Variants in HSF5 observed in about 807,000 individuals in gnomAD.
The protein encoded by HSF5 is heat shock transcription factor 5.
In HSF5, 5 loss-of-function variants were observed where a neutral mutation model predicts 50.8. The ratio of observed to expected loss-of-function variants is 0.10; its 90% CI spans 0.05 to 0.21. The LOEUF (loss-of-function observed/expected upper bound fraction) is 0.21. HSF5 is among the 10% of genes least tolerant of loss of function. HSF5 has a pLI of 1.00. For missense variants in HSF5, 564 were observed against 762.6 expected, an observed-to-expected ratio of 0.74 and a Z score of 3.07; for synonymous variants, 307 against 307.4, an observed-to-expected ratio of 1.00 and a Z score of 0.02.
intron 5 of HSF5, among the ~76,000 whole-genome samples, chr17:58,458,270 A>G (rs954659201): frequency 1.3e-5 from 2 of 152,240 alleles, no homozygotes; most frequent in Non-Finnish European, 2.9e-5. Context: ...TACAAACCAC[A>G]AGAATAACAA....
chr17:58,476,172 C>G (rs1223411551), intron 2 of HSF5: 1 of 1,024,866 alleles, frequency 9.8e-7, no homozygotes, highest in Non-Finnish European at 1.5e-6. Flanking sequence ...TCCCCTTCAT[C>G]ATCATCTTCA....
In HSF5 at chr17:58,421,052, C is replaced by T. The variant is rs1232190813; in HGVS notation, c.*1308G>A. 6.6e-6 allele frequency: 1 copy of T among 152,586 alleles called. No homozygotes were observed. The highest frequency in any genetic ancestry group is 6.5e-5 in the Admixed American group (1 of 15,278). 9.5% of individuals were successfully genotyped at this position (152,586 alleles called of 1,614,324 possible). ...GCAGTGCTTAATAGGAGAACTGAAA[C>T]AGAATCCAATAAGAAAGTTTTGGTC... is the stretch of plus-strand genomic sequence containing the variant. On this transcript the variant is annotated 3_prime_UTR_variant, in exon 6 of 6. Transcript: ENST00000323777.
chr17:58,424,997 C>T (rs570382257), intron 5 of HSF5, among the ~76,000 whole-genome samples: 50 of 152,094 alleles, frequency 3.3e-4, no homozygotes, highest in Non-Finnish European at 6.2e-4. Context: ...ACGGAGTTTC[C>T]GTTTGGGAAG....
At chr17:58,453,405 C>T (rs934428998) in intron 5 of HSF5, among the ~76,000 whole-genome samples, 2 of 152,040 alleles carry the variant, frequency 1.3e-5, no homozygotes, top group African/African-American at 4.8e-5. Context: ...ACCAGCCTGA[C>T]CAACACGGCG....
At chr17:58,481,083 C>T (rs1975093070) in intron 1 of HSF5, among the ~76,000 whole-genome samples, 1 of 152,102 alleles carries the variant, frequency 6.6e-6, no homozygotes, top group Admixed American at 6.5e-5. Flanking sequence ...CATGTCTTGC[C>T]CTCCCTTTCA....
At chr17:58,423,589 C>A (rs1974253836) in intron 5 of HSF5, among the ~76,000 whole-genome samples, 1 of 149,682 alleles carries the variant, frequency 6.7e-6, no homozygotes, top group Non-Finnish European at 1.5e-5. Flanking sequence ...ATGCGATTCT[C>A]CTGCCTCAGC....
intron 4 of HSF5, 61 bp from the exon 5 acceptor site, chr17:58,459,006 A>G (rs1304516198): frequency 2.1e-6 from 3 of 1,447,648 alleles, no homozygotes; most frequent in African/African-American, 1.4e-5. Flanking sequence ...AAAAGTTAAG[A>G]TATTTTATCA....
At chr17:58,450,822 C>T (rs1974631014) in intron 5 of HSF5, among the ~76,000 whole-genome samples, 1 of 151,500 alleles carries the variant, frequency 6.6e-6, no homozygotes, top group African/African-American at 2.4e-5. Context: ...GGCACAGTAG[C>T]TCACGCCTGT....
In HSF5 at chr17:58,430,731, A is replaced by G. The variant is rs1598180232; in HGVS notation, c.1721-8301T>C. On this transcript the variant is annotated intron_variant, in intron 5 of 5. Coordinates refer to ENST00000323777, the MANE Select transcript of HSF5 (RefSeq NM_001080439.3). ...TACACTGCCAGGGTCTCCAGCTTAC[A>G]GACAGCTTGTGTGGGACTTCTCAGC... Among the ~76,000 whole-genome samples, 6 of 152,274 alleles carry G rather than the reference A, an allele frequency of 3.9e-5. No homozygotes were observed. In the South Asian group the frequency reaches 1.0e-3, roughly 26 times the overall value.
At chr17:58,449,405 T>C (rs1974603814) in intron 5 of HSF5, among the ~76,000 whole-genome samples, 1 of 152,214 alleles carries the variant, frequency 6.6e-6, no homozygotes, top group Non-Finnish European at 1.5e-5. Flanking sequence ...CCTATAAAGA[T>C]ACGCACACAA....
chr17:58,457,231 G>A (rs1202390593), intron 5 of HSF5, among the ~76,000 whole-genome samples: 1 of 151,038 alleles, frequency 6.6e-6, no homozygotes, highest in Non-Finnish European at 1.5e-5. Context: ...TTGCACTACA[G>A]CCCGGGCAAC....
chr17:58,462,047 T>G (rs1974802381), intron 4 of HSF5, among the ~76,000 whole-genome samples: 1 of 152,182 alleles, frequency 6.6e-6, no homozygotes. Context: ...CCCGCATCCT[T>G]CCACGTCTCC....
intron 2 of HSF5, among the ~76,000 whole-genome samples, chr17:58,479,244 T>C (rs1002766638): frequency 5.3e-5 from 8 of 151,952 alleles, no homozygotes; most frequent in African/African-American, 2.4e-5. Context: ...ATAATAAACA[T>C]ATTAAAAAAA....
chr17:58,435,415 C>T (rs1009844090), intron 5 of HSF5, among the ~76,000 whole-genome samples: 1 of 152,090 alleles, frequency 6.6e-6, no homozygotes, highest in Admixed American at 6.5e-5. Flanking sequence ...TGTGTGGTGG[C>T]TCATGCCTGT....
At chr17:58,460,788 C>T (rs1348282881) in intron 4 of HSF5, among the ~76,000 whole-genome samples, 1 of 151,308 alleles carries the variant, frequency 6.6e-6, no homozygotes, top group Non-Finnish European at 1.5e-5. Context: ...GGATTACAGA[C>T]GTGAGCCACT....
chr17:58,441,225 G>C (rs1974494489), intron 5 of HSF5, among the ~76,000 whole-genome samples: 1 of 151,994 alleles, frequency 6.6e-6, no homozygotes, highest in Non-Finnish European at 1.5e-5. Context: ...CAAATATCTG[G>C]AAATAAATAT....
Position 58,488,393 on chromosome 17 carries a change from G to T in HSF5, c.-119C>A. 2 of 1,301,534 alleles carry T rather than the reference G, an allele frequency of 1.5e-6. No individual in the cohort carries two copies. The highest frequency in any genetic ancestry group is 2.7e-4 in the Middle Eastern group (1 of 3,766). 80.6% of individuals were successfully genotyped at this position (1,301,534 alleles called of 1,614,324 possible). A position where few individuals can be genotyped will look rare whatever the true frequency, so the allele number is the denominator to read the frequency against. ...GCCGGCGCCCATCCGCCGCGTACCAGGGACCGTTGGCGCACGAGGCCCCGC... is the reference window on the plus strand; with the variant it reads ...GCCGGCGCCCATCCGCCGCGTACCATGGACCGTTGGCGCACGAGGCCCCGC... On this transcript the variant is annotated 5_prime_UTR_variant, in exon 1 of 6. The change creates a new upstream start codon in the 5' untranslated region. Transcript: ENST00000323777. This position sits in a 1 kb window ranked among gnomAD's most constrained non-coding sequence, Gnocchi z 4.1.
chr17:58,459,376 G>A (rs757231919), intron 4 of HSF5, among the ~76,000 whole-genome samples: 1 of 151,892 alleles, frequency 6.6e-6, no homozygotes, highest in East Asian at 1.9e-4. Flanking sequence ...GGCCGGGCGC[G>A]GTAGCTCACA....
At chr17:58,427,088 T>TA (rs966082503) in intron 5 of HSF5, among the ~76,000 whole-genome samples, 9 of 151,872 alleles carry the variant, frequency 5.9e-5, no homozygotes, top group African/African-American at 1.9e-4. Context: ...CCTGTCTCTA[T>TA]AAAAAAATAA....
Sources: allele counts gnomAD v4.1 joint callset (sites outside exome capture counted in the v4.1 genomes callset), GRCh38; gene constraint gnomAD v4.1.1; non-coding constraint Gnocchi (gnomAD v3.1); transcripts MANE v1.5; gene names NCBI Gene and HGNC (gene_info 2026-07-23, HGNC 2026-07-21).